PTPN9: variants seen among roughly 807,000 people sequenced by gnomAD.
The protein encoded by PTPN9 is tyrosine-protein phosphatase non-receptor type 9.
Under a neutral mutation model 69.8 loss-of-function variants are expected in PTPN9, and 26 were observed. The ratio of observed to expected loss-of-function variants is 0.37; its 90% confidence interval spans 0.27 to 0.52. The LOEUF is 0.52. Among genes scored for constraint, PTPN9 ranks in the 20% least tolerant of loss-of-function variants. The pLI, the probability that PTPN9 is intolerant of heterozygous loss-of-function variation, is 0.91. For missense variants in PTPN9, 549 were observed against 740.3 expected (o/e 0.74, Z 3.00); for synonymous variants, 274 against 272.5 (o/e 1.01, Z -0.05).
chr15:75,520,064 G>T (rs531924254), intron 4 of PTPN9, among the ~76,000 whole-genome samples: 2 of 152,222 alleles, frequency 1.3e-5, no homozygotes, highest in East Asian at 3.9e-4. Context: ...CAGGAGTTGA[G>T]GCTGCTGTGA....
chr15:75,531,720 G>A (rs906599578), intron 1 of PTPN9, among the ~76,000 whole-genome samples: 7 of 151,754 alleles, frequency 4.6e-5, no homozygotes, highest in Non-Finnish European at 1.5e-5. Context: ...CACCACACCC[G>A]GCTAATTTTT....
At chr15:75,525,234 A>G (rs1325518276) in intron 2 of PTPN9, among the ~76,000 whole-genome samples, 1 of 150,488 alleles carries the variant, frequency 6.6e-6, no homozygotes, top group African/African-American at 2.4e-5. Context: ...CAAGTCTCAC[A>G]CTGTTGCTGA....
At chr15:75,482,770 T>G (rs529328176) in intron 8 of PTPN9, among the ~76,000 whole-genome samples, 2 of 147,488 alleles carry the variant, frequency 1.4e-5, no homozygotes, top group African/African-American at 5.0e-5. Context: ...CCAAGAATTA[T>G]CAATAAAAAA....
chr15:75,576,030 G>A (rs1414383412), intron 1 of PTPN9, among the ~76,000 whole-genome samples: 3 of 143,898 alleles, frequency 2.1e-5, no homozygotes, highest in East Asian at 2.1e-4. Context: ...TCAAGAAATC[G>A]AGACCATCCT....
At chr15:75,476,101 G>A (rs1204360810) in intron 9 of PTPN9, among the ~76,000 whole-genome samples, 1 of 152,092 alleles carries the variant, frequency 6.6e-6, no homozygotes, top group Non-Finnish European at 1.5e-5. Context: ...CCATGATCGT[G>A]AACCATGATC....
chr15:75,542,425 T>TG (rs2075013776), intron 1 of PTPN9, among the ~76,000 whole-genome samples: 1 of 152,022 alleles, frequency 6.6e-6, no homozygotes, highest in Non-Finnish European at 1.5e-5. Flanking sequence ...ATCTACCACA[T>TG]CAAGCATTAT....
intron 1 of PTPN9, among the ~76,000 whole-genome samples, chr15:75,573,559 T>C (rs533654568): frequency 1.3e-5 from 2 of 152,304 alleles, no homozygotes; most frequent in African/African-American, 4.8e-5. Flanking sequence ...AAAGTATATA[T>C]TGCCATTTGA....
chr15:75,498,190 A>G (rs1312944058), intron 7 of PTPN9, among the ~76,000 whole-genome samples: 1 of 152,024 alleles, frequency 6.6e-6, no homozygotes, highest in East Asian at 1.9e-4. Context: ...GCGAGACCAC[A>G]TCTCAGAGAA....
intron 7 of PTPN9, among the ~76,000 whole-genome samples, chr15:75,496,588 C>T (rs1357832827): frequency 6.6e-6 from 1 of 151,758 alleles, no homozygotes; most frequent in Non-Finnish European, 1.5e-5. Flanking sequence ...CCTCAACGTC[C>T]CAGGCTCAAG....
rs75110893 is a variant in PTPN9 at position 75,576,854 on chromosome 15, A to C, written c.63+1860T>G. ...AAAAATCAAAACTCCATCTCAAAAA[A>C]AAAGAGAGTACTCTTATGTGATATT... is the stretch of plus-strand genomic sequence containing the variant. On this transcript the variant is annotated intron_variant, in intron 1 of 12. Coordinates refer to ENST00000618819, the MANE Select transcript of PTPN9 (RefSeq NM_002833.4). Among the ~76,000 whole-genome samples, 916 of 152,250 alleles carry C rather than the reference A, an allele frequency of 6.0e-3. 15 individuals carry two copies. Among genetic ancestry groups the C allele is most frequent in the African/African-American group, 0.02 (848 of 41,550 alleles).
At chr15:75,490,596 C>T (rs971600892) in intron 7 of PTPN9, among the ~76,000 whole-genome samples, 2 of 151,858 alleles carry the variant, frequency 1.3e-5, no homozygotes, top group Non-Finnish European at 2.9e-5. Flanking sequence ...GCCAGGAGTT[C>T]GTGAGCAGTC....
chr15:75,555,258 T>A (rs930941891), intron 1 of PTPN9, among the ~76,000 whole-genome samples: 23 of 152,154 alleles, frequency 1.5e-4, no homozygotes, highest in African/African-American at 5.6e-4. Flanking sequence ...CCAGAGCCAA[T>A]TTATAAATTC....
intron 4 of PTPN9, among the ~76,000 whole-genome samples, chr15:75,519,470 C>T (rs1362238490): frequency 2.6e-5 from 4 of 151,994 alleles, no homozygotes; most frequent in Non-Finnish European, 2.9e-5. Flanking sequence ...TATCTTCATC[C>T]CTTTAACAAA....
intron 1 of PTPN9, among the ~76,000 whole-genome samples, chr15:75,540,168 C>A (rs1206919167): frequency 6.6e-6 from 1 of 152,110 alleles, no homozygotes; most frequent in African/African-American, 2.4e-5. Context: ...CTGACTTTTA[C>A]AAAAGTTTAG....
intron 2 of PTPN9, 102 bp from the exon 3 acceptor site, chr15:75,524,400 A>C: frequency 6.8e-6 from 4 of 588,756 alleles, no homozygotes. Context: ...GTTATCAATG[A>C]ATGAATGAAT....
rs542959056 is a variant in PTPN9, at chr15:75,504,910, C to T, written c.968+765G>A. ...GGGCACCTCTGCCCAGCCACCCCTACTAGGAAGTGAGGAGCCCCTCTGCCC... is the reference window on the plus strand; with the variant it reads ...GGGCACCTCTGCCCAGCCACCCCTATTAGGAAGTGAGGAGCCCCTCTGCCC... On this transcript the variant is annotated intron_variant, in intron 7 of 12. Transcript: ENST00000618819. 4.2e-3 allele frequency among the ~76,000 whole-genome samples: 641 copies of T among 152,030 alleles called. 3 individuals are homozygous for T. Among genetic ancestry groups the T allele is most frequent in the Non-Finnish European group, 4.0e-3 (273 of 67,912 alleles).
In PTPN9 at chr15:75,528,886, G is replaced by C. The variant is rs977696064; in HGVS notation, c.64-1625C>G. ...TGGATAATTTTTTTGATTTTTTGTA[G>C]AGACGAGGACTCCCTTTGTTGGCCA... On this transcript the variant is annotated intron_variant, in intron 1 of 12. Coordinates refer to ENST00000618819, the MANE Select transcript of PTPN9 (RefSeq NM_002833.4). Among the ~76,000 whole-genome samples the C allele has an allele frequency of 2.8e-4, 42 of 151,296 alleles. 2 individuals carry two copies. The highest frequency in any genetic ancestry group is 4.4e-5 in the Non-Finnish European group (3 of 67,886).
rs183370592 is a variant in PTPN9, at chr15:75,555,686, G to A, written c.63+23028C>T. ...TGCCCAGATAATTTATGTATTTTTT[G>A]TAGAGATGGGGTTTCGCCATATTGG... is the stretch of plus-strand genomic sequence containing the variant. On this transcript the variant is annotated intron_variant, in intron 1 of 12. Transcript: ENST00000618819. 2.4e-3 allele frequency among the ~76,000 whole-genome samples: 366 copies of A among 151,932 alleles called. 2 individuals carry two copies. Among genetic ancestry groups the A allele is most frequent in the African/African-American group, 8.4e-3 (348 of 41,418 alleles).
chr15:75,564,044 C>T (rs181278083), intron 1 of PTPN9, among the ~76,000 whole-genome samples: 23 of 151,238 alleles, frequency 1.5e-4, no homozygotes, highest in Admixed American at 9.9e-4. Flanking sequence ...TGTACTGAAA[C>T]ATCACAATAT....
Sources: gnomAD v4.1 joint callset for allele counts (sites outside exome capture counted in the v4.1 genomes callset) on GRCh38, gnomAD v4.1.1 for gene constraint, MANE v1.5 for transcripts, NCBI Gene and HGNC (gene_info 2026-07-23, HGNC 2026-07-21) for gene names.